The following TRAPPC8 variants were observed in gnomAD, a reference collection of about 807,000 sequenced individuals.
The protein encoded by TRAPPC8 is trafficking protein particle complex subunit 8.
TRAPPC8 carries 54 observed loss-of-function variants against 174.3 expected under a neutral mutation model. That is an observed-to-expected ratio of 0.31 (90% CI 0.25 to 0.39). The LOEUF (loss-of-function observed/expected upper bound fraction) is 0.39. Among genes scored for constraint, TRAPPC8 ranks in the 10% least tolerant of loss-of-function variants. The probability of loss-of-function intolerance (pLI) is 1.00; values close to 1 mark genes in which losing one functional copy is unlikely to be tolerated. For missense variants in TRAPPC8, 1,531 were observed against 1,699.1 expected (o/e 0.90, Z 1.74); for synonymous variants, 630 against 579.9 (o/e 1.09, Z -1.24).
At chr18:31,906,304 GA>G (rs560619669) in intron 9 of TRAPPC8, among the ~76,000 whole-genome samples, 1,507 of 91,152 alleles carry the variant, frequency 0.017, 9 homozygotes, top group African/African-American at 0.036. Context: ...CTGTCTCCAG[GA>G]AAAAAAAAAA....
rs869302772 is a variant in TRAPPC8, at chr18:31,880,117, ATATATT to A, written c.1729-5419_1729-5414del. ...TATATATATATATATATATATATAT[ATATATT>A]TTTTTTTTTTTAAGGAAGAAAGATT... On this transcript the variant is annotated intron_variant, in intron 12 of 28. Transcript: ENST00000283351. Among the ~76,000 whole-genome samples the A allele has an allele frequency of 7.2e-3, 769 of 106,764 alleles. 14 individuals carry two copies. Among genetic ancestry groups the A allele is most frequent in the African/African-American group, 0.02 (526 of 26,244 alleles). The allele number at this position is 106,764 out of a possible 152,430, so 70.0% of individuals were successfully genotyped here. A position where few individuals can be genotyped will look rare whatever the true frequency, so the allele number is the denominator to read the frequency against.
rs1283626637 is a variant in TRAPPC8, at chr18:31,900,894, GATACAATATAA to G, written c.1490+20_1490+30del. ...AAAAGAACAAACTGACCTTTAACTG[GATACAATATAA>G]ATCTTATATAGTCACCTACTTGCAG... On this transcript the variant is annotated intron_variant, in intron 10 of 28. Coordinates refer to ENST00000283351, the MANE Select transcript of TRAPPC8 (RefSeq NM_014939.5). 6.9e-7 allele frequency: 1 copy of G among 1,458,508 alleles called. No homozygotes were observed. The highest frequency in any genetic ancestry group is 9.3e-7 in the Non-Finnish European group (1 of 1,078,720). The allele number at this position is 1,458,508 out of a possible 1,614,324, so 90.3% of individuals were successfully genotyped here.
chr18:31,930,252 T>C (rs987622469), intron 2 of TRAPPC8, among the ~76,000 whole-genome samples: 6 of 152,016 alleles, frequency 3.9e-5, no homozygotes, highest in Non-Finnish European at 7.4e-5. Flanking sequence ...CCCAAGTAGC[T>C]GGGATTACAG....
Position 31,864,773 on chromosome 18 carries a change from A to G in TRAPPC8, c.2599T>C (p.Ser867Pro), listed in dbSNP as rs759056982. The change falls in exon 19 of 29, where the codon TCC becomes CCC. Residue 867 changes from serine to proline, a missense_variant. Ser to Pro is a moderately conservative substitution (Grantham distance 74, BLOSUM62 -1). Coordinates refer to ENST00000283351, the MANE Select transcript of TRAPPC8 (RefSeq NM_014939.5). ...TTCCCTCGGACTGACATACTCAAGG[A>G]ATATTTTCCTGAAATAAAAAACAAT... is the stretch of plus-strand genomic sequence containing the variant. ...ALPGCHTGKY[S>P]LSMSVRGKQD... The G allele has an allele frequency of 2.5e-6, 4 of 1,600,654 alleles. No individual in the cohort carries two copies. In the South Asian group the frequency reaches 4.5e-5, roughly 18 times the overall value.
At chr18:31,834,423 T>C (rs1374381483) in intron 27 of TRAPPC8, among the ~76,000 whole-genome samples, 2 of 152,278 alleles carry the variant, frequency 1.3e-5, no homozygotes, top group South Asian at 4.1e-4. Flanking sequence ...GGACCACATT[T>C]TGAAAACTGC....
Position 31,834,329 on chromosome 18 carries a change from T to C in TRAPPC8, c.3984-2156A>G, listed in dbSNP as rs111862239. Among the ~76,000 whole-genome samples, 435 of 152,198 alleles carry C rather than the reference T, an allele frequency of 2.9e-3. 2 individuals carry two copies. The highest frequency in any genetic ancestry group is 9.6e-3 in the African/African-American group (398 of 41,534). ...TTCACCATGTTGACTAGGCTGGTCTTGAACTCCTGACCTCAGGAGATCCGC... is the reference window on the plus strand; with the variant it reads ...TTCACCATGTTGACTAGGCTGGTCTCGAACTCCTGACCTCAGGAGATCCGC... On this transcript the variant is annotated intron_variant, in intron 27 of 28. Transcript: ENST00000283351.
chr18:31,855,844 A>G, intron 20 of TRAPPC8, 37 bp from the exon 21 acceptor site: 1 of 1,568,962 alleles, frequency 6.4e-7, no homozygotes, highest in Non-Finnish European at 8.6e-7. Context: ...ACATTTAAGC[A>G]CAGAGTCTCT....
intron 2 of TRAPPC8, among the ~76,000 whole-genome samples, chr18:31,923,207 A>G (rs2037464365): frequency 6.6e-6 from 1 of 152,238 alleles, no homozygotes; most frequent in Admixed American, 6.5e-5. Context: ...AAAAGTTGAA[A>G]AAAATAGATA....
chr18:31,858,808 G>A (rs2145115621), intron 19 of TRAPPC8, among the ~76,000 whole-genome samples: 1 of 152,310 alleles, frequency 6.6e-6, no homozygotes, highest in Non-Finnish European at 1.5e-5. Flanking sequence ...AAGTATACTG[G>A]CTGGGCACAG....
At chr18:31,928,241 G>A (rs1267718190) in intron 2 of TRAPPC8, among the ~76,000 whole-genome samples, 1 of 151,730 alleles carries the variant, frequency 6.6e-6, no homozygotes, top group Non-Finnish European at 1.5e-5. Context: ...GCTCACAACT[G>A]TAATCCCAGC....
intron 9 of TRAPPC8, among the ~76,000 whole-genome samples, chr18:31,905,496 C>T (rs964624860): frequency 2.6e-5 from 4 of 152,098 alleles, no homozygotes; most frequent in Non-Finnish European, 4.4e-5. Flanking sequence ...GCAGCTCCAT[C>T]GGTTGGGAAC....
At chr18:31,933,609 G>A (rs1478811521) in intron 1 of TRAPPC8, among the ~76,000 whole-genome samples, 1 of 152,134 alleles carries the variant, frequency 6.6e-6, no homozygotes, top group Non-Finnish European at 1.5e-5. Context: ...CCTGCACCAT[G>A]GGTTATTATC....
At chr18:31,913,751 G>T (rs2037015694) in intron 4 of TRAPPC8, among the ~76,000 whole-genome samples, 2 of 152,152 alleles carry the variant, frequency 1.3e-5, no homozygotes. Flanking sequence ...AGCTAGCTTA[G>T]ATACCACCTT....
chr18:31,942,867 C>CGGGCG lies in TRAPPC8; in HGVS notation c.-108_-104dup. The CGGGCG allele has an allele frequency of 8.0e-7, 1 of 1,254,020 alleles. No individual in the cohort carries two copies. Among genetic ancestry groups the CGGGCG allele is most frequent in the South Asian group, 3.2e-5 (1 of 30,828 alleles). The allele number at this position is 1,254,020 out of a possible 1,614,324, so 77.7% of individuals were successfully genotyped here. A position where few individuals can be genotyped will look rare whatever the true frequency, so the allele number is the denominator to read the frequency against. ...CCGCCGCCCGCCGGCCTGGCCCGGC[C>CGGGCG]GGGCGGGGCCCCGAACGCACTGGAG... is the stretch of plus-strand genomic sequence containing the variant. On this transcript the variant is annotated 5_prime_UTR_variant, in exon 1 of 29. Transcript: ENST00000283351.
In TRAPPC8 at chr18:31,913,250, G is replaced by A. The variant is rs1196693521; in HGVS notation, c.771+119C>T. 10 of 1,142,536 alleles carry A rather than the reference G, an allele frequency of 8.8e-6. No individual in the cohort carries two copies. The South Asian group carries it at 1.1e-4, about 12-fold the overall frequency. 70.8% of individuals were successfully genotyped at this position (1,142,536 alleles called of 1,614,324 possible). A position where few individuals can be genotyped will look rare whatever the true frequency, so the allele number is the denominator to read the frequency against. On this transcript the variant is annotated intron_variant, in intron 5 of 28. Transcript: ENST00000283351. Reference sequence around the variant, plus strand: ...ACCACTGACCTAAGAGCTCACCTCTGACAGATCAAAACTGACCAGATTCCA... The same window carrying A: ...ACCACTGACCTAAGAGCTCACCTCTAACAGATCAAAACTGACCAGATTCCA...
At chr18:31,861,186 T>C (rs1463977095) in intron 19 of TRAPPC8, among the ~76,000 whole-genome samples, 1 of 152,218 alleles carries the variant, frequency 6.6e-6, no homozygotes, top group African/African-American at 2.4e-5. Context: ...GTAAAATGTT[T>C]AGGGTATGGA....
At chr18:31,886,621 A>G (rs903224670) in intron 12 of TRAPPC8, among the ~76,000 whole-genome samples, 3 of 152,174 alleles carry the variant, frequency 2.0e-5, no homozygotes, top group African/African-American at 7.2e-5. Context: ...GACTACTTTC[A>G]TGCCACTTCT....
At chr18:31,922,844 C>G (rs2037448149) in intron 2 of TRAPPC8, among the ~76,000 whole-genome samples, 1 of 152,072 alleles carries the variant, frequency 6.6e-6, no homozygotes, top group African/African-American at 2.4e-5. Flanking sequence ...ATGAGAAAAC[C>G]TCATCTCTAC....
intron 2 of TRAPPC8, among the ~76,000 whole-genome samples, chr18:31,922,724 C>T (rs547868128): frequency 6.6e-6 from 1 of 152,082 alleles, no homozygotes; most frequent in African/African-American, 2.4e-5. Context: ...TGTTTTCCTA[C>T]TAAAGTTTTC....
Sources: allele counts gnomAD v4.1 joint callset (sites outside exome capture counted in the v4.1 genomes callset), GRCh38; gene constraint gnomAD v4.1.1; transcripts MANE v1.5; gene names NCBI Gene and HGNC (gene_info 2026-07-23, HGNC 2026-07-21).